Variants in PTN observed in about 807,000 individuals in gnomAD.
The protein encoded by PTN is heparin affin regulatory protein.
In PTN, 18 loss-of-function variants were observed where a neutral mutation model predicts 24.1. The observed-to-expected ratio is 0.75, with a 90% CI of 0.52 to 1.11. PTN has a LOEUF of 1.11. Among genes scored for constraint, PTN ranks in the 50% least tolerant of loss-of-function variants. PTN has a pLI of 0.00. For synonymous variants in PTN, 78 were observed against 68.6 expected (o/e 1.14, Z -0.67); for missense variants, 163 against 198.8 (o/e 0.82, Z 1.08).
At position 137,305,505 on chromosome 7, in the gene PTN, C is replaced by T. The variant is rs117058286; in HGVS notation, c.-2+37934G>A. Among the ~76,000 whole-genome samples, 22 of 152,140 alleles carry T rather than the reference C, an allele frequency of 1.4e-4. No homozygotes were observed. The East Asian group carries it at 4.3e-3, about 30-fold the overall frequency. ...ATTGTTCTTGCAGAAAATAAAGTTC[C>T]CCTACTTCCTCACTGACATATTCCA... On this transcript the variant is annotated intron_variant, in intron 1 of 4. Transcript: ENST00000348225.
At position 137,259,058 on chromosome 7, in the gene PTN, T is replaced by C. The variant is rs141826719; in HGVS notation, c.-1-4084A>G. Among the ~76,000 whole-genome samples the C allele has an allele frequency of 1.4e-4, 21 of 152,254 alleles. No individual in the cohort carries two copies. In the East Asian group the frequency reaches 3.9e-3, roughly 28 times the overall value. On this transcript the variant is annotated intron_variant, in intron 1 of 4. Transcript: ENST00000348225. ...ACTTAATTGCATATTAACAATTAAG[T>C]TGAAGACTACCATATTTGGGTGCTG...
chr7:137,317,707 G>A (rs1810095263), intron 1 of PTN, among the ~76,000 whole-genome samples: 1 of 152,096 alleles, frequency 6.6e-6, no homozygotes, highest in South Asian at 2.1e-4. Context: ...ATTATATGTG[G>A]GGCATTCAAT....
At chr7:137,310,671 T>C (rs1032158615) in intron 1 of PTN, among the ~76,000 whole-genome samples, 1 of 152,122 alleles carries the variant, frequency 6.6e-6, no homozygotes, top group Non-Finnish European at 1.5e-5. Flanking sequence ...CCCAAAGTGC[T>C]GGGATTATAG....
chr7:137,284,071 A>T (rs962220623), intron 1 of PTN, among the ~76,000 whole-genome samples: 1 of 138,688 alleles, frequency 7.2e-6, no homozygotes, highest in Non-Finnish European at 1.5e-5. Flanking sequence ...GGTTGACGCC[A>T]TTCTCCTGCC....
intron 1 of PTN, among the ~76,000 whole-genome samples, chr7:137,299,060 T>G (rs1011513531): frequency 6.6e-6 from 1 of 151,962 alleles, no homozygotes; most frequent in Non-Finnish European, 1.5e-5. Flanking sequence ...GCACTGAGCA[T>G]TCCTACACAC....
intron 1 of PTN, among the ~76,000 whole-genome samples, chr7:137,259,550 A>T (rs1170507103): frequency 6.6e-6 from 1 of 152,014 alleles, no homozygotes; most frequent in East Asian, 1.9e-4. Flanking sequence ...TTAATACAGT[A>T]TTAGTTGCTG....
intron 1 of PTN, among the ~76,000 whole-genome samples, chr7:137,321,619 GC>G (rs1810164274): frequency 6.6e-6 from 1 of 152,000 alleles, no homozygotes; most frequent in African/African-American, 2.4e-5. Context: ...AGATTGGGTG[GC>G]TTTTCTTCTG....
intron 1 of PTN, among the ~76,000 whole-genome samples, chr7:137,266,694 C>A (rs2128873605): frequency 7.2e-6 from 1 of 138,392 alleles, no homozygotes; most frequent in African/African-American, 2.7e-5. Flanking sequence ...TTCTTTATGT[C>A]TGTGGACTAG....
At chr7:137,273,185 T>G (rs1264345043) in intron 1 of PTN, among the ~76,000 whole-genome samples, 1 of 152,218 alleles carries the variant, frequency 6.6e-6, no homozygotes, top group Non-Finnish European at 1.5e-5. Flanking sequence ...CAGATTTCAT[T>G]TATATGTTTG....
chr7:137,281,213 C>T (rs1270385625), intron 1 of PTN, among the ~76,000 whole-genome samples: 1 of 149,534 alleles, frequency 6.7e-6, no homozygotes, highest in Non-Finnish European at 1.5e-5. Flanking sequence ...TGTCCAATGT[C>T]AAGGGACCAA....
At chr7:137,319,154 T>C (rs1810122210) in intron 1 of PTN, among the ~76,000 whole-genome samples, 1 of 152,184 alleles carries the variant, frequency 6.6e-6, no homozygotes, top group African/African-American at 2.4e-5. Context: ...ATCATTGCTC[T>C]CAAAGTGTTT....
At chr7:137,284,784 TTAA>T (rs540363024) in intron 1 of PTN, among the ~76,000 whole-genome samples, 2 of 152,218 alleles carry the variant, frequency 1.3e-5, no homozygotes, top group South Asian at 4.1e-4. Flanking sequence ...CCGTAAAGAC[TTAA>T]TAATTAGAAT....
At position 137,314,900 on chromosome 7, in the gene PTN, C is replaced by T. The variant is rs191425195; in HGVS notation, c.-2+28539G>A. ...GAGCCACCGCACCCGGCCCATGTTG[C>T]TTTGTGATACTAGTGACTCCTCCAT... is the stretch of plus-strand genomic sequence containing the variant. On this transcript the variant is annotated intron_variant, in intron 1 of 4. Coordinates refer to ENST00000348225, the MANE Select transcript of PTN (RefSeq NM_002825.7). 1.1e-3 allele frequency among the ~76,000 whole-genome samples: 173 copies of T among 152,216 alleles called. 1 individual carries two copies. Among genetic ancestry groups the T allele is most frequent in the African/African-American group, 4.0e-3 (165 of 41,542 alleles).
intron 1 of PTN, among the ~76,000 whole-genome samples, chr7:137,309,692 C>A (rs1809948764): frequency 6.6e-6 from 1 of 152,112 alleles, no homozygotes; most frequent in South Asian, 2.1e-4. Flanking sequence ...TCTTTGCTCA[C>A]CCATAAGAAG....
intron 1 of PTN, among the ~76,000 whole-genome samples, chr7:137,341,758 G>A (rs915134085): frequency 6.6e-6 from 1 of 152,110 alleles, no homozygotes; most frequent in Non-Finnish European, 1.5e-5. Flanking sequence ...CCAGTGAGCA[G>A]TGGCAGAAAA....
chr7:137,330,949 T>A (rs1290631316), intron 1 of PTN, among the ~76,000 whole-genome samples: 1 of 152,178 alleles, frequency 6.6e-6, no homozygotes, highest in African/African-American at 2.4e-5. Flanking sequence ...ACTTCCTTTT[T>A]AGTGGCAGAA....
intron 1 of PTN, among the ~76,000 whole-genome samples, chr7:137,310,176 C>T (rs1331323799): frequency 6.6e-6 from 1 of 152,074 alleles, no homozygotes; most frequent in African/African-American, 2.4e-5. Context: ...TGTCAATGAG[C>T]AATAATATTT....
chr7:137,289,766 G>C (rs1056829013), intron 1 of PTN, among the ~76,000 whole-genome samples: 2 of 152,134 alleles, frequency 1.3e-5, no homozygotes, highest in African/African-American at 2.4e-5. Flanking sequence ...GAATCAGCTT[G>C]TAAGTTTGCT....
chr7:137,327,009 AG>A (rs1312873385), intron 1 of PTN: 1 of 152,210 alleles, frequency 6.6e-6, no homozygotes, highest in Non-Finnish European at 1.5e-5. Flanking sequence ...AAACAGAGAA[AG>A]GGGTAAGTAA....
Sources: allele counts gnomAD v4.1 joint callset (sites outside exome capture counted in the v4.1 genomes callset), GRCh38; gene constraint gnomAD v4.1.1; transcripts MANE v1.5; gene names NCBI Gene and HGNC (gene_info 2026-07-23, HGNC 2026-07-21).